The following ANO6 variants were observed in gnomAD, a reference collection of about 807,000 sequenced individuals.
ANO6 encodes anoctamin 6.
Under a neutral mutation model 117.5 loss-of-function variants are expected in ANO6, and 106 were observed. The ratio of observed to expected loss-of-function variants is 0.90; its 90% CI spans 0.77 to 1.06. The LOEUF (loss-of-function observed/expected upper bound fraction) is 1.06, where lower values mean the gene tolerates loss of function less well. ANO6 is among the 50% of genes least tolerant of loss of function. ANO6 has a pLI of 0.00. For missense variants in ANO6, 955 were observed against 1,121.1 expected (o/e 0.85, Z 2.12); for synonymous variants, 367 against 385.1 (o/e 0.95, Z 0.55).
chr12:45,292,085 G>C (rs1939120274), intron 1 of ANO6, among the ~76,000 whole-genome samples: 1 of 152,180 alleles, frequency 6.6e-6, no homozygotes, highest in Non-Finnish European at 1.5e-5. Flanking sequence ...GATGAATGGG[G>C]TAAATACAGC....
At chr12:45,389,553 C>T (rs759063591) in intron 11 of ANO6, among the ~76,000 whole-genome samples, 11 of 152,178 alleles carry the variant, frequency 7.2e-5, no homozygotes, top group Non-Finnish European at 1.6e-4. Flanking sequence ...CTTGTTAAAA[C>T]ATTGCAAGTG....
chr12:45,411,593 C>T (rs553421646), intron 16 of ANO6, among the ~76,000 whole-genome samples: 3 of 152,330 alleles, frequency 2.0e-5, no homozygotes, highest in East Asian at 1.9e-4. Context: ...CCCTCCTTCC[C>T]ATTTCCCCAT....
intron 12 of ANO6, among the ~76,000 whole-genome samples, chr12:45,398,558 A>C (rs920030781): frequency 3.3e-5 from 5 of 152,216 alleles, no homozygotes; most frequent in Non-Finnish European, 7.3e-5. Context: ...AATGGTCAGT[A>C]AAAGTAAGAT....
At chr12:45,339,265 A>G (rs1041488640) in intron 3 of ANO6, among the ~76,000 whole-genome samples, 17 of 152,092 alleles carry the variant, frequency 1.1e-4, no homozygotes, top group African/African-American at 4.1e-4. Flanking sequence ...CCCATCCCAT[A>G]CATGCTGAGT....
intron 1 of ANO6, among the ~76,000 whole-genome samples, chr12:45,243,729 T>C (rs1947781275): frequency 1.3e-5 from 2 of 152,148 alleles, no homozygotes; most frequent in East Asian, 1.9e-4. Flanking sequence ...TTTGTGTTTT[T>C]TGTAGAGATG....
chr12:45,348,667 C>A, intron 6 of ANO6, 36 bp downstream of exon 6: 1 of 1,467,150 alleles, frequency 6.8e-7, no homozygotes, highest in Non-Finnish European at 9.6e-7. Flanking sequence ...AAAAGGCCTT[C>A]TGTATACTCT....
At chr12:45,232,038 C>T (rs1210750601) in intron 1 of ANO6, among the ~76,000 whole-genome samples, 2 of 152,032 alleles carry the variant, frequency 1.3e-5, no homozygotes, top group Non-Finnish European at 2.9e-5. Flanking sequence ...TAAATCAAGC[C>T]CACTACTTTT....
chr12:45,270,352 G>A lies in ANO6; in HGVS notation c.71-31662G>A, dbSNP rs1938354047. ...GGTCAAATGGCTTGTACGAGGTCAG[G>A]TCCTTGTTGTTACAGAGGCAGGTCT... On this transcript the variant is annotated intron_variant, in intron 1 of 19. Transcript: ENST00000320560. 7.5e-6 allele frequency: 10 copies of A among 1,340,744 alleles called. No individual in the cohort carries two copies. In the South Asian group the frequency reaches 1.1e-4, roughly 14 times the overall value. 83.1% of individuals were successfully genotyped at this position (1,340,744 alleles called of 1,614,324 possible). A position where few individuals can be genotyped will look rare whatever the true frequency, so the allele number is the denominator to read the frequency against.
Position 45,292,563 on chromosome 12 carries a change from T to C in ANO6, c.71-9451T>C, listed in dbSNP as rs1383989693. ...TGATAGGTTTGCAGTGTACATTGAG[T>C]TTTTCTATAAAAGCATTAGGTAATC... On this transcript the variant is annotated intron_variant, in intron 1 of 19. Coordinates refer to ENST00000320560, the MANE Select transcript of ANO6 (RefSeq NM_001025356.3). 1.6e-5 allele frequency: 13 copies of C among 827,640 alleles called. No individual in the cohort carries two copies. In the East Asian group the frequency reaches 5.0e-4, roughly 32 times the overall value. The allele number at this position is 827,640 out of a possible 1,614,324, so 51.3% of individuals were successfully genotyped here. A position where few individuals can be genotyped will look rare whatever the true frequency, so the allele number is the denominator to read the frequency against.
intron 2 of ANO6, among the ~76,000 whole-genome samples, chr12:45,320,522 G>A (rs986604193): frequency 1.3e-5 from 2 of 152,160 alleles, no homozygotes; most frequent in Admixed American, 6.5e-5. Flanking sequence ...ATTTGCTGAG[G>A]AGTGCTTTAC....
chr12:45,420,149 T>A (rs1173093977), intron 17 of ANO6, among the ~76,000 whole-genome samples: 2 of 152,008 alleles, frequency 1.3e-5, no homozygotes. Context: ...ACAAATCAGG[T>A]CATGGTTTGA....
chr12:45,382,579 G>A (rs1309775612), intron 10 of ANO6, among the ~76,000 whole-genome samples: 2 of 151,944 alleles, frequency 1.3e-5, no homozygotes, highest in Non-Finnish European at 2.9e-5. Flanking sequence ...CTCCATCTAG[G>A]GTTATCCTGG....
intron 16 of ANO6, among the ~76,000 whole-genome samples, chr12:45,410,716 T>C (rs1295184237): frequency 6.6e-6 from 1 of 152,244 alleles, no homozygotes; most frequent in Non-Finnish European, 1.5e-5. Context: ...GCTTTGCATG[T>C]TGGCAAAGAC....
In ANO6 at chr12:45,255,818, G is replaced by GT. The variant is rs551517877; in HGVS notation, c.70+39447dup. 8.2e-4 allele frequency among the ~76,000 whole-genome samples: 67 copies of GT among 81,650 alleles called. 1 individual carries two copies. Among genetic ancestry groups the GT allele is most frequent in the South Asian group, 1.9e-3 (4 of 2,156 alleles). 53.6% of individuals were successfully genotyped at this position (81,650 alleles called of 152,430 possible). A position where few individuals can be genotyped will look rare whatever the true frequency, so the allele number is the denominator to read the frequency against. ...CTGGCCCCAGGTTTTCTCCCTGGGT[G>GT]TTTTTTTTTTTTTTTTTTTTGAGAC... On this transcript the variant is annotated intron_variant, in intron 1 of 19. Coordinates refer to ENST00000320560, the MANE Select transcript of ANO6 (RefSeq NM_001025356.3).
chr12:45,251,804 T>G (rs1024175936), intron 1 of ANO6, among the ~76,000 whole-genome samples: 8 of 152,218 alleles, frequency 5.3e-5, no homozygotes, highest in Non-Finnish European at 1.2e-4. Flanking sequence ...TGGTAGAGTT[T>G]GTTCAATTGT....
intron 12 of ANO6, among the ~76,000 whole-genome samples, chr12:45,397,480 A>G (rs1201805747): frequency 6.6e-6 from 1 of 152,232 alleles, no homozygotes; most frequent in Non-Finnish European, 1.5e-5. Context: ...CAATCCCATT[A>G]CTGGGTATAT....
intron 2 of ANO6, among the ~76,000 whole-genome samples, chr12:45,303,550 A>G (rs572500293): frequency 6.6e-6 from 1 of 152,328 alleles, no homozygotes; most frequent in Admixed American, 6.5e-5. Context: ...CCAATTCCCT[A>G]TGTGAAAATA....
chr12:45,220,131 A>C (rs772408264), intron 1 of ANO6, among the ~76,000 whole-genome samples: 3 of 152,102 alleles, frequency 2.0e-5, no homozygotes, highest in African/African-American at 4.8e-5. Flanking sequence ...TGTTTCTTCA[A>C]TTCTGTTCTC....
At chr12:45,303,798 G>C (rs1408068272) in intron 2 of ANO6, among the ~76,000 whole-genome samples, 1 of 152,188 alleles carries the variant, frequency 6.6e-6, no homozygotes, top group African/African-American at 2.4e-5. Context: ...TGAAAGACTT[G>C]TTTTCACAGT....
Sources: allele counts gnomAD v4.1 joint callset (sites outside exome capture counted in the v4.1 genomes callset), GRCh38; gene constraint gnomAD v4.1.1; transcripts MANE v1.5; gene names NCBI Gene and HGNC (gene_info 2026-07-23, HGNC 2026-07-21).